CTNND2: variants seen among roughly 807,000 people sequenced by gnomAD.
CTNND2 encodes catenin delta 2, also known as catenin delta-2.
In CTNND2, 22 loss-of-function variants were observed where a neutral mutation model predicts 144.4. The observed-to-expected ratio is 0.15, with a 90% confidence interval of 0.11 to 0.22. The LOEUF (loss-of-function observed/expected upper bound fraction) is 0.22, where lower values mean the gene tolerates loss of function less well. Ranked by LOEUF, CTNND2 falls within the 10% of genes least tolerant of loss-of-function variation. The pLI, the probability that CTNND2 is intolerant of heterozygous loss-of-function variation, is 1.00. For synonymous variants in CTNND2, 751 were observed against 695.6 expected, an observed-to-expected ratio of 1.08 and a Z score of -1.25; for missense variants, 1,353 against 1,618.8, an observed-to-expected ratio of 0.84 and a Z score of 2.82.
chr5:11,466,726 C>T (rs765180436), intron 3 of CTNND2, among the ~76,000 whole-genome samples: 6 of 152,084 alleles, frequency 3.9e-5, no homozygotes, highest in Non-Finnish European at 5.9e-5. Context: ...TTTCCAAGGC[C>T]CACATTAGTG....
At chr5:11,734,393 G>A (rs909781332) in intron 1 of CTNND2, among the ~76,000 whole-genome samples, 2 of 152,162 alleles carry the variant, frequency 1.3e-5, no homozygotes, top group Non-Finnish European at 2.9e-5. Flanking sequence ...TTAAATCATA[G>A]GGGCAGGTTT....
At chr5:11,525,954 G>A (rs900257529) in intron 3 of CTNND2, among the ~76,000 whole-genome samples, 2 of 152,116 alleles carry the variant, frequency 1.3e-5, no homozygotes, top group African/African-American at 2.4e-5. Context: ...ACCCAGGCTG[G>A]AGTATAGTGG....
intron 1 of CTNND2, among the ~76,000 whole-genome samples, chr5:11,867,533 T>A (rs1448293669): frequency 6.6e-6 from 1 of 152,200 alleles, no homozygotes; most frequent in African/African-American, 2.4e-5. Context: ...GTGGCTACTG[T>A]TTGAGAATGA....
intron 1 of CTNND2, among the ~76,000 whole-genome samples, chr5:11,848,939 G>A (rs1311777063): frequency 6.6e-6 from 1 of 152,072 alleles, no homozygotes; most frequent in Non-Finnish European, 1.5e-5. Context: ...TATAAACTTG[G>A]AGCTCCCATT....
intron 3 of CTNND2, among the ~76,000 whole-genome samples, chr5:11,444,016 T>C (rs1048069366): frequency 1.3e-5 from 2 of 152,206 alleles, no homozygotes; most frequent in African/African-American, 4.8e-5. Flanking sequence ...TTACTCTCCA[T>C]CAGCAGTGCA....
At chr5:11,717,705 G>A (rs1012482524) in intron 2 of CTNND2, among the ~76,000 whole-genome samples, 2 of 152,112 alleles carry the variant, frequency 1.3e-5, no homozygotes, top group African/African-American at 4.8e-5. Flanking sequence ...GGAAAGTCAC[G>A]TCTTACATGG....
intron 1 of CTNND2, among the ~76,000 whole-genome samples, chr5:11,795,721 T>C (rs1400124200): frequency 6.6e-6 from 1 of 152,190 alleles, no homozygotes; most frequent in Non-Finnish European, 1.5e-5. Context: ...TATCTTAAAA[T>C]CCAAAATGTT....
intron 3 of CTNND2, among the ~76,000 whole-genome samples, chr5:11,548,556 T>G (rs1028911148): frequency 6.6e-6 from 1 of 152,224 alleles, no homozygotes; most frequent in Non-Finnish European, 1.5e-5. Context: ...TTAAAAATAG[T>G]CTATGATGTA....
rs377225682 is a variant in CTNND2 at position 11,188,880 on chromosome 5, C to T, written c.1975+10568G>A. ...AACAGATCATTATCCGGGGCTTTTC[C>T]TTTCTTCAAACTTCATTCTAAGTAG... is the stretch of plus-strand genomic sequence containing the variant. On this transcript the variant is annotated intron_variant, in intron 11 of 21. Transcript: ENST00000304623. 1.9e-3 allele frequency among the ~76,000 whole-genome samples: 283 copies of T among 152,260 alleles called. 1 individual carries two copies. The highest frequency in any genetic ancestry group is 2.9e-3 in the Non-Finnish European group (199 of 68,016).
chr5:11,124,480 A>G (rs768064773), intron 12 of CTNND2, among the ~76,000 whole-genome samples: 28 of 152,190 alleles, frequency 1.8e-4, no homozygotes, highest in Non-Finnish European at 3.7e-4. Context: ...CTTCAAAAAC[A>G]TTAAATTTTA....
At chr5:11,566,367 ATGTATTT>A (rs1459545691) in intron 2 of CTNND2, among the ~76,000 whole-genome samples, 2 of 152,168 alleles carry the variant, frequency 1.3e-5, no homozygotes, top group East Asian at 1.9e-4. Context: ...TCTCGGCTGA[ATGTATTT>A]TATGCATCTA....
intron 2 of CTNND2, among the ~76,000 whole-genome samples, chr5:11,673,075 C>A (rs184502405): frequency 6.6e-6 from 1 of 152,270 alleles, no homozygotes; most frequent in East Asian, 1.9e-4. Context: ...CAAACTTGTA[C>A]ACGTAAGGCC....
intron 2 of CTNND2, among the ~76,000 whole-genome samples, chr5:11,616,945 T>C (rs1239155029): frequency 6.6e-6 from 1 of 152,134 alleles, no homozygotes; most frequent in Non-Finnish European, 1.5e-5. Context: ...TTTGTTCAGT[T>C]TTGTTTCCCT....
intron 16 of CTNND2, among the ~76,000 whole-genome samples, chr5:11,070,224 A>C (rs969349462): frequency 9.2e-5 from 14 of 152,218 alleles, no homozygotes; most frequent in Non-Finnish European, 1.8e-4. Context: ...GATAATGGAC[A>C]ACATGCATGA....
intron 1 of CTNND2, among the ~76,000 whole-genome samples, chr5:11,748,650 A>G (rs932909224): frequency 2.6e-5 from 4 of 152,080 alleles, no homozygotes; most frequent in African/African-American, 9.7e-5. Flanking sequence ...TTCTCCAAAT[A>G]AGACTCTCAG....
At chr5:11,184,721 G>A (rs1237153453) in intron 11 of CTNND2, among the ~76,000 whole-genome samples, 1 of 152,144 alleles carries the variant, frequency 6.6e-6, no homozygotes, top group Non-Finnish European at 1.5e-5. Context: ...CATCAACGAG[G>A]ACACAGCTGA....
At position 11,095,751 on chromosome 5, in the gene CTNND2, C is replaced by CT. The variant is rs1751275787; in HGVS notation, c.2637+2823dup. 3.9e-5 allele frequency among the ~76,000 whole-genome samples: 6 copies of CT among 152,268 alleles called. No individual in the cohort carries two copies. The South Asian group carries it at 8.3e-4, about 21-fold the overall frequency. On this transcript the variant is annotated intron_variant, in intron 15 of 21. Coordinates refer to ENST00000304623, the MANE Select transcript of CTNND2 (RefSeq NM_001332.4). ...TTTAGATGTGGCGCAGTTCTTTGTA[C>CT]TTTAACATGTCTTTTTTATCTGTCC...
chr5:11,134,819 G>A (rs1755970261), intron 12 of CTNND2, among the ~76,000 whole-genome samples: 1 of 152,146 alleles, frequency 6.6e-6, no homozygotes. Context: ...GTAGGATAAT[G>A]GCACCACTGG....
chr5:11,164,416 C>T (rs551323359), intron 11 of CTNND2, among the ~76,000 whole-genome samples: 1 of 152,310 alleles, frequency 6.6e-6, no homozygotes, highest in South Asian at 2.1e-4. Context: ...AGGCCTTTCT[C>T]TAAATCTCTA....
Sources: allele counts gnomAD v4.1 joint callset (sites outside exome capture counted in the v4.1 genomes callset), GRCh38; gene constraint gnomAD v4.1.1; transcripts MANE v1.5; gene names NCBI Gene and HGNC (gene_info 2026-07-23, HGNC 2026-07-21).